The following ZNF423 variants were observed in gnomAD, a reference collection of about 807,000 sequenced individuals.
ZNF423 encodes zinc finger protein 423, also known as Ebf-associated zinc finger protein.
A neutral mutation model predicts 95.8 loss-of-function variants in ZNF423; 12 were observed. The observed-to-expected ratio is 0.13, with a 90% confidence interval of 0.08 to 0.20. The LOEUF is 0.20. Ranked by LOEUF, ZNF423 falls within the 10% of genes least tolerant of loss-of-function variation. The pLI is 1.00. For synonymous variants in ZNF423, 749 were observed against 711.9 expected, an observed-to-expected ratio of 1.05 and a Z score of -0.83; for missense variants, 1,316 against 1,737.1, an observed-to-expected ratio of 0.76 and a Z score of 4.31.
At chr16:49,568,703 T>G (rs1001506479) in intron 5 of ZNF423, among the ~76,000 whole-genome samples, 1 of 152,092 alleles carries the variant, frequency 6.6e-6, no homozygotes, top group African/African-American at 2.4e-5. Flanking sequence ...TTGGGTCCAG[T>G]GAGGGCTCCC....
At chr16:49,815,134 A>C (rs2143982739) in intron 1 of ZNF423, among the ~76,000 whole-genome samples, 1 of 152,234 alleles carries the variant, frequency 6.6e-6, no homozygotes, top group South Asian at 2.1e-4. Context: ...AGACTCTCAG[A>C]ACTTGAGTTT....
At chr16:49,733,507 G>C (rs1270862384) in intron 2 of ZNF423, among the ~76,000 whole-genome samples, 1 of 152,200 alleles carries the variant, frequency 6.6e-6, no homozygotes, top group Non-Finnish European at 1.5e-5. Flanking sequence ...AGATAAATCA[G>C]AATGTCAACT....
chr16:49,836,682 C>A (rs1207012695), intron 1 of ZNF423, among the ~76,000 whole-genome samples: 1 of 152,162 alleles, frequency 6.6e-6, no homozygotes, highest in Non-Finnish European at 1.5e-5. Flanking sequence ...GTGCAGGAAG[C>A]CCTCAGAGAG....
intron 2 of ZNF423, among the ~76,000 whole-genome samples, chr16:49,732,513 CA>C (rs1202792164): frequency 6.6e-6 from 1 of 152,176 alleles, no homozygotes; most frequent in African/African-American, 2.4e-5. Context: ...TCTTATTATC[CA>C]TAAAGGTGTT....
In ZNF423 at chr16:49,490,971, G is replaced by T; in HGVS notation, c.*304C>A. The stretch of plus-strand genomic sequence containing the variant: ...AAAACTATCAATATAATACATGAAG[G>T]AACAAAGGACAATAGCCTTAAAAAG... On this transcript the variant is annotated 3_prime_UTR_variant, in exon 8 of 8. Transcript: ENST00000563137. The T allele has an allele frequency of 2.5e-6, 1 of 392,360 alleles. No individual in the cohort carries two copies. 24.3% of individuals were successfully genotyped at this position (392,360 alleles called of 1,614,324 possible). A position where few individuals can be genotyped will look rare whatever the true frequency, so the allele number is the denominator to read the frequency against.
intron 5 of ZNF423, among the ~76,000 whole-genome samples, chr16:49,550,029 T>G (rs958315960): frequency 2.0e-5 from 3 of 152,118 alleles, no homozygotes; most frequent in African/African-American, 7.2e-5. Context: ...CACGCCACCA[T>G]GCACAGACAA....
chr16:49,496,804 C>T (rs1235353493), intron 7 of ZNF423, among the ~76,000 whole-genome samples: 3 of 152,192 alleles, frequency 2.0e-5, no homozygotes, highest in African/African-American at 7.2e-5. Context: ...GTCTTCTGGT[C>T]TTCCTGACCT....
At chr16:49,555,056 T>C (rs1292715505) in intron 5 of ZNF423, among the ~76,000 whole-genome samples, 1 of 152,154 alleles carries the variant, frequency 6.6e-6, no homozygotes, top group Non-Finnish European at 1.5e-5. Context: ...CTTCTGTATT[T>C]CATGGGTTCA....
At chr16:49,721,513 A>C (rs1367451486) in intron 3 of ZNF423, among the ~76,000 whole-genome samples, 1 of 152,044 alleles carries the variant, frequency 6.6e-6, no homozygotes, top group Non-Finnish European at 1.5e-5. Flanking sequence ...CCAGGAGGAC[A>C]CCGGAAGCTT....
chr16:49,806,387 G>A (rs1243012672), intron 1 of ZNF423, among the ~76,000 whole-genome samples: 1 of 152,216 alleles, frequency 6.6e-6, no homozygotes, highest in Non-Finnish European at 1.5e-5. Context: ...TTGCTGTTTC[G>A]GGTGGAAAGG....
intron 5 of ZNF423, among the ~76,000 whole-genome samples, chr16:49,577,676 A>G (rs375273413): frequency 5.3e-5 from 8 of 152,182 alleles, no homozygotes; most frequent in South Asian, 2.1e-4. Flanking sequence ...GGCCTGCAGG[A>G]AACCTTGTTG....
chr16:49,615,539 C>G (rs935039904), intron 5 of ZNF423, among the ~76,000 whole-genome samples: 1 of 152,084 alleles, frequency 6.6e-6, no homozygotes, highest in African/African-American at 2.4e-5. Flanking sequence ...CAGAAAGGCA[C>G]GCAGGCTAGG....
chr16:49,582,335 A>G (rs1236115552), intron 5 of ZNF423, among the ~76,000 whole-genome samples: 2 of 152,214 alleles, frequency 1.3e-5, no homozygotes, highest in African/African-American at 4.8e-5. Context: ...CTGTTATAAA[A>G]TGTCACCTCT....
intron 5 of ZNF423, among the ~76,000 whole-genome samples, chr16:49,556,325 C>T (rs1969825349): frequency 6.6e-6 from 1 of 152,210 alleles, no homozygotes; most frequent in South Asian, 2.1e-4. Flanking sequence ...AGTGCCCCCT[C>T]TTCTCCAAAG....
chr16:49,676,079 G>T (rs975932835), intron 3 of ZNF423, among the ~76,000 whole-genome samples: 5 of 152,246 alleles, frequency 3.3e-5, no homozygotes, highest in African/African-American at 4.8e-5. Context: ...GCCATGGTTA[G>T]TAAATAAACA....
chr16:49,612,247 C>A (rs904295970), intron 5 of ZNF423, among the ~76,000 whole-genome samples: 2 of 151,748 alleles, frequency 1.3e-5, no homozygotes, highest in East Asian at 3.9e-4. Context: ...GAAGTATTAG[C>A]AAATAGCAGT....
At chr16:49,619,035 G>A (rs1971971573) in intron 5 of ZNF423, among the ~76,000 whole-genome samples, 1 of 152,056 alleles carries the variant, frequency 6.6e-6, no homozygotes, top group Admixed American at 6.6e-5. Context: ...CATACTACAT[G>A]GACCTCTTTT....
rs546859592 is a variant in ZNF423, at chr16:49,715,980, C to T, written c.301+14791G>A. On this transcript the variant is annotated intron_variant, in intron 3 of 7. Transcript: ENST00000563137. ...GAAGGATTGCTTGAGCCCAGGAGGT[C>T]GATGCTGCAGTGAGCTGTGATAATC... Among the ~76,000 whole-genome samples, 4 of 151,994 alleles carry T rather than the reference C, an allele frequency of 2.6e-5. No homozygotes were observed. The South Asian group carries it at 6.3e-4, about 24-fold the overall frequency.
chr16:49,789,981 A>G (rs2034385684), intron 1 of ZNF423, among the ~76,000 whole-genome samples: 1 of 152,114 alleles, frequency 6.6e-6, no homozygotes, highest in South Asian at 2.1e-4. Flanking sequence ...TGAGCTGACA[A>G]CATCAGAAGG....
Sources: allele counts gnomAD v4.1 joint callset (sites outside exome capture counted in the v4.1 genomes callset), GRCh38; gene constraint gnomAD v4.1.1; transcripts MANE v1.5; gene names NCBI Gene and HGNC (gene_info 2026-07-23, HGNC 2026-07-21).